The following TIAM2 variants were observed in gnomAD, a reference collection of about 807,000 sequenced individuals.
The protein encoded by TIAM2 is rho guanine nucleotide exchange factor TIAM2.
Under a neutral mutation model 152.9 loss-of-function variants are expected in TIAM2, and 80 were observed. That is an observed-to-expected ratio of 0.52 (90% confidence interval 0.44 to 0.63). The LOEUF (loss-of-function observed/expected upper bound fraction) is 0.63. TIAM2 is among the 30% of genes least tolerant of loss of function. The pLI is 0.00. For synonymous variants in TIAM2, 804 were observed against 838.0 expected, an observed-to-expected ratio of 0.96 and a Z score of 0.70; for missense variants, 1,965 against 2,120.1, an observed-to-expected ratio of 0.93 and a Z score of 1.44.
chr6:155,137,520 T>G lies in TIAM2; in HGVS notation c.1538T>G (p.Leu513Arg). ...GGGGTGGTCCGGAAGGCCGGGTGGC[T>G]CTTCTTCAAGCCCCTGGTCACTGTG... is the stretch of plus-strand genomic sequence containing the variant. ...EQGVVRKAGW[L>R]FFKPLVTVQK... The change falls in exon 5 of 27, where the codon CTC becomes CGC. Residue 513 changes from leucine (L) to arginine (R), a missense_variant. Physicochemically the swap from Leu to Arg is moderately radical, Grantham distance 102. This residue lies in a region of TIAM2 where 1,025 missense variants were observed against 1,119.4 expected (regional missense o/e 0.92). Coordinates refer to ENST00000682666, the MANE Select transcript of TIAM2 (RefSeq NM_012454.4). 6.2e-7 allele frequency: 1 copy of G among 1,614,058 alleles called. No homozygotes were observed. Among genetic ancestry groups the G allele is most frequent in the Non-Finnish European group, 8.5e-7 (1 of 1,180,032 alleles).
At chr6:155,045,478 T>C (rs1172072066) in intron 1 of TIAM2, among the ~76,000 whole-genome samples, 1 of 152,214 alleles carries the variant, frequency 6.6e-6, no homozygotes, top group Non-Finnish European at 1.5e-5. Context: ...TGTCTTCTGT[T>C]CCATAAATTG....
intron 5 of TIAM2, among the ~76,000 whole-genome samples, chr6:155,137,962 G>A (rs11969144): frequency 0.048 from 7,310 of 152,118 alleles, 580 homozygotes; most frequent in African/African-American, 0.17. Flanking sequence ...TCAGCCTCCT[G>A]AGTAGCTGGA....
At chr6:155,125,584 A>T (rs1303054045) in intron 2 of TIAM2, among the ~76,000 whole-genome samples, 3 of 152,162 alleles carry the variant, frequency 2.0e-5, no homozygotes, top group Non-Finnish European at 1.5e-5. Context: ...CACGCCTGTT[A>T]TCCCAGCACT....
At chr6:155,152,146 A>G (rs996767425) in intron 7 of TIAM2, among the ~76,000 whole-genome samples, 3 of 152,040 alleles carry the variant, frequency 2.0e-5, no homozygotes, top group Admixed American at 2.0e-4. Context: ...GCTAATCTCA[A>G]TTTTTTAGAA....
chr6:155,236,006 T>C (rs1375574501), intron 15 of TIAM2, among the ~76,000 whole-genome samples: 1 of 152,154 alleles, frequency 6.6e-6, no homozygotes, highest in East Asian at 1.9e-4. Flanking sequence ...ATAGATTCTA[T>C]AGCCCTGGGA....
intron 1 of TIAM2, among the ~76,000 whole-genome samples, chr6:155,017,103 A>C (rs1041381884): frequency 6.6e-6 from 1 of 152,118 alleles, no homozygotes; most frequent in Non-Finnish European, 1.5e-5. Context: ...CGAGACTAGA[A>C]TTCCTAGTTT....
At chr6:155,210,529 G>T (rs996955849) in intron 14 of TIAM2, among the ~76,000 whole-genome samples, 3 of 151,796 alleles carry the variant, frequency 2.0e-5, no homozygotes, top group South Asian at 4.2e-4. Flanking sequence ...ACACTATGTA[G>T]TCTCACTATG....
chr6:155,129,727 G>A lies in TIAM2; in HGVS notation c.504G>A (p.Lys168=), dbSNP rs1779394871. The change falls in exon 4 of 27, where the codon AAG becomes AAA. Residue 168 remains lysine (K), a synonymous_variant. Coordinates refer to ENST00000682666, the MANE Select transcript of TIAM2 (RefSeq NM_012454.4). The surrounding 1 kb of genome is among the most constrained non-coding windows in gnomAD (Gnocchi z 4.8). Reference sequence around the variant, plus strand: ...GAGTGCTCATCAAAACGCTGGGGAAGCTGGATGGGTGTTTAAGGGTCGAGT... The same window carrying A: ...GAGTGCTCATCAAAACGCTGGGGAAACTGGATGGGTGTTTAAGGGTCGAGT... The part of the protein sequence containing the change: ...SPRVLIKTLG[K]LDGCLRVEFH... The A allele has an allele frequency of 4.3e-6, 7 of 1,613,900 alleles. No individual in the cohort carries two copies. Among genetic ancestry groups the A allele is most frequent in the Non-Finnish European group, 5.9e-6 (7 of 1,180,038 alleles).
At chr6:155,054,462 G>A (rs1016023542) in intron 1 of TIAM2, among the ~76,000 whole-genome samples, 2 of 152,174 alleles carry the variant, frequency 1.3e-5, no homozygotes, top group Non-Finnish European at 2.9e-5. Flanking sequence ...GGGGAAGAAG[G>A]AAATTAGTAT....
At chr6:155,022,899 G>A (rs1375448109) in intron 1 of TIAM2, among the ~76,000 whole-genome samples, 4 of 152,194 alleles carry the variant, frequency 2.6e-5, no homozygotes, top group Non-Finnish European at 2.9e-5. Flanking sequence ...GTGTCATAGC[G>A]CTGGGCTTGG....
chr6:154,996,398 A>T (rs908428179), intron 1 of TIAM2, among the ~76,000 whole-genome samples: 2 of 152,184 alleles, frequency 1.3e-5, no homozygotes, highest in Non-Finnish European at 2.9e-5. Context: ...TTCAGGCAAG[A>T]GGCCACTTGG....
intron 1 of TIAM2, among the ~76,000 whole-genome samples, chr6:155,003,351 A>T (rs1885698): frequency 6.6e-6 from 1 of 152,070 alleles, no homozygotes; most frequent in Non-Finnish European, 1.5e-5. Context: ...GTAGTGGTGC[A>T]CGCCTGTAAT....
rs148719764 is a variant in TIAM2 at position 155,005,386 on chromosome 6, C to A, written c.-209+9894C>A. 8.7e-3 allele frequency: 1,351 copies of A among 155,356 alleles called. 24 individuals carry two copies. Among genetic ancestry groups the A allele is most frequent in the African/African-American group, 0.031 (1,283 of 41,608 alleles). 9.6% of individuals were successfully genotyped at this position (155,356 alleles called of 1,614,324 possible). A position where few individuals can be genotyped will look rare whatever the true frequency, so the allele number is the denominator to read the frequency against. On this transcript the variant is annotated intron_variant, in intron 1 of 26. Coordinates refer to ENST00000682666, the MANE Select transcript of TIAM2 (RefSeq NM_012454.4). ...ATGGAGTCTAGCTCTATTGCCCAGG[C>A]TGGAGTACAGTGGCACGATCTCGGC...
At chr6:155,118,049 C>G (rs1414023474) in intron 2 of TIAM2, among the ~76,000 whole-genome samples, 1 of 152,220 alleles carries the variant, frequency 6.6e-6, no homozygotes, top group African/African-American at 2.4e-5. Flanking sequence ...GGACTCCTTT[C>G]CCAGAGGGTG....
chr6:155,161,958 C>A (rs75847573), intron 7 of TIAM2, among the ~76,000 whole-genome samples: 1 of 151,744 alleles, frequency 6.6e-6, no homozygotes, highest in Non-Finnish European at 1.5e-5. Flanking sequence ...TTTTCTTTTT[C>A]TTTCCTTTTT....
chr6:155,254,438 A>G lies in TIAM2; in HGVS notation c.4333A>G (p.Asn1445Asp), dbSNP rs551247249. Residue 1445 changes from asparagine to aspartate, a missense_variant, in exon 26 of 27, where the codon AAC (asparagine) becomes GAC (aspartate). Asn to Asp is a conservative substitution (Grantham distance 23). Transcript: ENST00000682666. Reference protein sequence around the residue: ...LCCSDSESKTNIVKVIRSILR... With the variant: ...LCCSDSESKTDIVKVIRSILR... The stretch of plus-strand genomic sequence containing the variant: ...ACCCAGTGACAGTGAAAGCAAAACC[A>G]ACATTGTTAAGGTGATTCGTTCTAT... The G allele has an allele frequency of 1.2e-4, 186 of 1,612,966 alleles. 2 individuals are homozygous for G. In the South Asian group the frequency reaches 1.9e-3, roughly 17 times the overall value.
At chr6:155,057,497 C>T (rs944154437) in intron 1 of TIAM2, among the ~76,000 whole-genome samples, 11 of 149,442 alleles carry the variant, frequency 7.4e-5, no homozygotes, top group African/African-American at 2.5e-4. Flanking sequence ...GTATTTGTCA[C>T]CCTTTTTCTA....
intron 1 of TIAM2, chr6:155,022,317 T>A (rs192215609): frequency 6.6e-6 from 1 of 152,436 alleles, no homozygotes; most frequent in Admixed American, 6.5e-5. Context: ...GACTGTTTTT[T>A]CTTTTTTTCT....
At chr6:155,192,038 TG>T (rs1781219036) in intron 14 of TIAM2, among the ~76,000 whole-genome samples, 1 of 151,958 alleles carries the variant, frequency 6.6e-6, no homozygotes, top group Non-Finnish European at 1.5e-5. Context: ...ATGGATTATG[TG>T]GGGGGCCCAG....
Sources: allele counts gnomAD v4.1 joint callset (sites outside exome capture counted in the v4.1 genomes callset), GRCh38; gene constraint gnomAD v4.1.1; regional missense constraint gnomAD v4.1.1; non-coding constraint Gnocchi (gnomAD v3.1); transcripts MANE v1.5; gene names NCBI Gene and HGNC (gene_info 2026-07-23, HGNC 2026-07-21).